HSF2: variants seen among roughly 807,000 people sequenced by gnomAD.
The protein encoded by HSF2 is heat shock transcription factor 2.
In HSF2, 21 loss-of-function variants were observed where a neutral mutation model predicts 65.0. That is an observed-to-expected ratio of 0.32 (90% CI 0.23 to 0.47). The LOEUF (loss-of-function observed/expected upper bound fraction) is 0.47, where lower values mean the gene tolerates loss of function less well. Ranked by LOEUF, HSF2 falls within the 20% of genes least tolerant of loss-of-function variation. HSF2 has a pLI of 1.00. For synonymous variants in HSF2, 225 were observed against 219.1 expected (o/e 1.03, Z -0.24); for missense variants, 499 against 628.1 (o/e 0.79, Z 2.20).
At chr6:122,420,995 A>C (rs1774223029) in intron 7 of HSF2, among the ~76,000 whole-genome samples, 2 of 151,904 alleles carry the variant, frequency 1.3e-5, no homozygotes, top group South Asian at 4.1e-4. Context: ...TACAGGCATG[A>C]GCCACTGCAC....
In HSF2 at chr6:122,423,636, G is replaced by A; in HGVS notation, c.1126G>A (p.Ala376Thr). ...TGACTGCAGTTTAGAGGACTTCCAGGCCATGCTATCAGGAAGACAATTTAG... is the reference window on the plus strand; with the variant it reads ...TGACTGCAGTTTAGAGGACTTCCAGACCATGCTATCAGGAAGACAATTTAG... Reference protein sequence around the residue: ...SIDCSLEDFQAMLSGRQFSID... With the variant: ...SIDCSLEDFQTMLSGRQFSID... The change falls in exon 10 of 13, where the codon GCC becomes ACC. Residue 376 changes from alanine (A) to threonine (T), a missense_variant. Physicochemically the swap from Ala to Thr is moderately conservative, Grantham distance 58. Around this residue, in one of 2 missense-constraint regions of HSF2, gnomAD observed 349 missense variants for 393.5 expected, o/e 0.89. Coordinates refer to ENST00000368455, the MANE Select transcript of HSF2 (RefSeq NM_004506.4). The A allele has an allele frequency of 6.2e-7, 1 of 1,610,924 alleles. No individual in the cohort carries two copies. The highest frequency in any genetic ancestry group is 8.5e-7 in the Non-Finnish European group (1 of 1,178,098).
chr6:122,405,856 G>C (rs1773857830), intron 1 of HSF2, among the ~76,000 whole-genome samples: 1 of 152,156 alleles, frequency 6.6e-6, no homozygotes, highest in Non-Finnish European at 1.5e-5. Context: ...ATAAATCCCT[G>C]TTCTGGAGTA....
Position 122,412,857 on chromosome 6 carries a change from A to G in HSF2, c.330+93A>G, listed in dbSNP as rs903162114. 7 of 1,161,506 alleles carry G rather than the reference A, an allele frequency of 6.0e-6. No individual in the cohort carries two copies. The African/African-American group carries it at 1.1e-4, about 18-fold the overall frequency. 71.9% of individuals were successfully genotyped at this position (1,161,506 alleles called of 1,614,324 possible). On this transcript the variant is annotated intron_variant, in intron 3 of 12. Coordinates refer to ENST00000368455, the MANE Select transcript of HSF2 (RefSeq NM_004506.4). ...TCAGCTGTTGAAAGTACAGAAATGC[A>G]CAACTGTTCCTTGTTGGGATGAATT...
At chr6:122,413,419 C>T (rs1562200568) in intron 3 of HSF2, 106 bp from the exon 4 acceptor site, 2 of 755,012 alleles carry the variant, frequency 2.6e-6, no homozygotes, top group Admixed American at 3.0e-5. Flanking sequence ...GGAACCAGAT[C>T]TCACTTCCTG....
intron 3 of HSF2, among the ~76,000 whole-genome samples, chr6:122,413,319 A>C (rs1378063129): frequency 1.3e-5 from 1 of 78,136 alleles, no homozygotes. Flanking sequence ...AACATTAAAA[A>C]AAAATTTTTT....
chr6:122,410,945 T>TG (rs1345309227), intron 1 of HSF2, among the ~76,000 whole-genome samples: 4 of 117,364 alleles, frequency 3.4e-5, no homozygotes, highest in East Asian at 2.5e-4. Flanking sequence ...TTGTTGTTTT[T>TG]GGGTTTTTTT....
chr6:122,399,903 C>G (rs900544483), intron 1 of HSF2, 73 bp downstream of exon 1: 1 of 1,173,252 alleles, frequency 8.5e-7, no homozygotes, highest in South Asian at 1.2e-5. Flanking sequence ...GCGGGGTGGT[C>G]TCTCGCGGCC....
intron 10 of HSF2, 82 bp from the exon 11 acceptor site, chr6:122,427,821 A>G (rs1774370655): frequency 2.1e-6 from 2 of 941,890 alleles, no homozygotes; most frequent in Admixed American, 2.1e-5. Flanking sequence ...CTCTTCACCC[A>G]ACATGGCTGT....
Position 122,416,268 on chromosome 6 carries a change from A to T in HSF2, c.503A>T (p.His168Leu). Residue 168 changes from histidine to leucine, a missense_variant, in exon 5 of 13, where the codon CAT becomes CTT. This residue lies in a region of HSF2 where 150 missense variants were observed against 234.6 expected (regional missense o/e 0.64). Coordinates refer to ENST00000368455, the MANE Select transcript of HSF2 (RefSeq NM_004506.4). ...WKEVSELRAK[H>L]AQQQQVIRKI... ...GAGGTGTCAGAATTACGAGCAAAGC[A>T]TGCACAACAGCAACAAGTTATTCGA... 1 of 1,611,936 alleles carries T rather than the reference A, an allele frequency of 6.2e-7. No homozygotes were observed.
chr6:122,419,449 C>T (rs530996862), intron 6 of HSF2, among the ~76,000 whole-genome samples: 1 of 152,144 alleles, frequency 6.6e-6, no homozygotes, highest in East Asian at 1.9e-4. Context: ...TAAATGGTCA[C>T]TTTATAGACA....
At chr6:122,408,940 CG>C in intron 1 of HSF2, among the ~76,000 whole-genome samples, 1 of 151,126 alleles carries the variant, frequency 6.6e-6, no homozygotes, top group South Asian at 2.1e-4. Context: ...GATTGACTTC[CG>C]GGGAAACAGG....
Position 122,412,764 on chromosome 6 carries a change from G to GGTGAGCTATTGTGAAC in HSF2, c.330+9_330+24dup, listed in dbSNP as rs1275406732. ...ACTTGTTGGAGAACATTAAAAGGAA[G>GGTGAGCTATTGTGAAC]GTGAGCTATTGTGAACGTGAGCTAA... On this transcript the variant is annotated frameshift_variant and splice_region_variant. Coordinates refer to ENST00000368455, the MANE Select transcript of HSF2 (RefSeq NM_004506.4). LOFTEE classifies it high-confidence loss of function. 4 of 1,612,658 alleles carry GGTGAGCTATTGTGAAC rather than the reference G, an allele frequency of 2.5e-6. No individual in the cohort carries two copies. Among genetic ancestry groups the GGTGAGCTATTGTGAAC allele is most frequent in the South Asian group, 1.1e-5 (1 of 91,004 alleles).
At chr6:122,423,520 ATTT>A (rs1358505289) in intron 9 of HSF2, 58 bp from the exon 10 acceptor site, 47 of 854,298 alleles carry the variant, frequency 5.5e-5, no homozygotes, top group Non-Finnish European at 8.3e-5. Context: ...TGTAATGGTG[ATTT>A]TTAAACATAA....
At chr6:122,400,018 C>A (rs1210289389) in intron 1 of HSF2, among the ~76,000 whole-genome samples, 188 bp downstream of exon 1, 1 of 152,076 alleles carries the variant, frequency 6.6e-6, no homozygotes, top group African/African-American at 2.4e-5. Context: ...GGGGCCCGGC[C>A]GGCAGCGCCG....
At chr6:122,417,387 A>T (rs1582614373) in intron 5 of HSF2, among the ~76,000 whole-genome samples, 1 of 152,126 alleles carries the variant, frequency 6.6e-6, no homozygotes, top group African/African-American at 2.4e-5. Flanking sequence ...ACACTCTATA[A>T]TGTGTAGATT....
chr6:122,402,974 A>G (rs1021461925), intron 1 of HSF2, among the ~76,000 whole-genome samples: 3 of 151,756 alleles, frequency 2.0e-5, no homozygotes, highest in African/African-American at 7.3e-5. Flanking sequence ...TTTTAGAAGA[A>G]GCAGTTGTTT....
At chr6:122,429,982 G>C (rs1774426018) in intron 11 of HSF2, among the ~76,000 whole-genome samples, 1 of 152,086 alleles carries the variant, frequency 6.6e-6, no homozygotes, top group Non-Finnish European at 1.5e-5. Context: ...TTTTTGTTGT[G>C]TCTCTGCCAG....
At chr6:122,401,350 T>A (rs1002850795) in intron 1 of HSF2, among the ~76,000 whole-genome samples, 1 of 152,188 alleles carries the variant, frequency 6.6e-6, no homozygotes, top group Admixed American at 6.5e-5. Flanking sequence ...CACGTATTCG[T>A]GTTAGAGATT....
intron 10 of HSF2, 68 bp from the exon 11 acceptor site, chr6:122,427,835 A>C: frequency 8.4e-7 from 1 of 1,197,064 alleles, no homozygotes. Context: ...TGGCTGTATA[A>C]AATTTTGAAC....
Sources: allele counts gnomAD v4.1 joint callset (sites outside exome capture counted in the v4.1 genomes callset), GRCh38; gene constraint gnomAD v4.1.1; regional missense constraint gnomAD v4.1.1; transcripts MANE v1.5; gene names NCBI Gene and HGNC (gene_info 2026-07-23, HGNC 2026-07-21).